Variants in BTBD9 observed in about 807,000 individuals in gnomAD.
The protein encoded by BTBD9 is BTB/POZ domain-containing protein 9.
A neutral mutation model predicts 64.3 loss-of-function variants in BTBD9; 49 were observed. The observed-to-expected ratio is 0.76, with a 90% CI of 0.61 to 0.97. The LOEUF is 0.97. Ranked by LOEUF, BTBD9 falls within the 50% of genes least tolerant of loss-of-function variation. BTBD9 has a pLI of 0.00. For missense variants in BTBD9, 598 were observed against 762.1 expected (o/e 0.78, Z 2.53); for synonymous variants, 260 against 274.7 (o/e 0.95, Z 0.53).
intron 4 of BTBD9, among the ~76,000 whole-genome samples, chr6:38,581,462 A>G (rs1267943050): frequency 6.6e-6 from 1 of 152,242 alleles, no homozygotes; most frequent in East Asian, 1.9e-4. Flanking sequence ...GTCTGTCATC[A>G]AAATCAGTAT....
chr6:38,305,648 AT>A (rs931476243), intron 7 of BTBD9, among the ~76,000 whole-genome samples: 1 of 150,842 alleles, frequency 6.6e-6, no homozygotes, highest in Non-Finnish European at 1.5e-5. Flanking sequence ...CACCGGGCTA[AT>A]TTTTTTTTGT....
intron 6 of BTBD9, among the ~76,000 whole-genome samples, chr6:38,468,976 T>TA (rs2127364333): frequency 6.6e-6 from 1 of 152,218 alleles, no homozygotes; most frequent in South Asian, 2.1e-4. Context: ...AGAGGATTAT[T>TA]AAAACATTTT....
chr6:38,495,631 C>A (rs1161316223), intron 6 of BTBD9, among the ~76,000 whole-genome samples: 1 of 152,172 alleles, frequency 6.6e-6, no homozygotes, highest in Non-Finnish European at 1.5e-5. Flanking sequence ...CTTTTCTATA[C>A]ATAATCGTAT....
At chr6:38,284,176 AT>A (rs201125149) in intron 8 of BTBD9, among the ~76,000 whole-genome samples, 32 of 147,272 alleles carry the variant, frequency 2.2e-4, no homozygotes, top group East Asian at 1.2e-3. Context: ...AATTGCATGG[AT>A]TTTTTTTTTT....
intron 6 of BTBD9, among the ~76,000 whole-genome samples, chr6:38,405,267 C>T (rs1213010653): frequency 2.0e-5 from 3 of 151,938 alleles, no homozygotes; most frequent in Non-Finnish European, 4.4e-5. Context: ...GAACCTGATA[C>T]CCTATAAGAC....
intron 8 of BTBD9, among the ~76,000 whole-genome samples, chr6:38,271,039 A>G (rs985940715): frequency 2.4e-4 from 36 of 152,352 alleles, no homozygotes; most frequent in African/African-American, 4.3e-4. Context: ...AAAGCGATAT[A>G]TGATAAATCT....
Position 38,184,145 on chromosome 6 carries a change from C to T in BTBD9, c.1641+8374G>A, listed in dbSNP as rs116495241. On this transcript the variant is annotated intron_variant, in intron 10 of 10. Coordinates refer to ENST00000481247, the MANE Select transcript of BTBD9 (RefSeq NM_001099272.2). The surrounding 1 kb of genome is among the most constrained non-coding windows in gnomAD (Gnocchi z 4.4). Reference sequence around the variant, plus strand: ...GAGATGCTGTGTTTGCTTACCCATCCTCTGTGGATGGACGCTCGTGGTATC... The same window carrying T: ...GAGATGCTGTGTTTGCTTACCCATCTTCTGTGGATGGACGCTCGTGGTATC... Among the ~76,000 whole-genome samples, 2 of 152,330 alleles carry T rather than the reference C, an allele frequency of 1.3e-5. No homozygotes were observed. The highest frequency in any genetic ancestry group is 4.8e-5 in the African/African-American group (2 of 41,566).
At chr6:38,479,816 C>A (rs1344470113) in intron 6 of BTBD9, among the ~76,000 whole-genome samples, 2 of 152,168 alleles carry the variant, frequency 1.3e-5, no homozygotes, top group Non-Finnish European at 1.5e-5. Flanking sequence ...GCAACCTCCA[C>A]CTCTCGGGCT....
intron 6 of BTBD9, among the ~76,000 whole-genome samples, chr6:38,563,776 C>CTTTT (rs57927975): frequency 4.3e-4 from 49 of 113,568 alleles, no homozygotes; most frequent in African/African-American, 5.1e-4. Context: ...GCCTATCTAA[C>CTTTT]TTTTTTTTTT....
chr6:38,221,859 T>C (rs1324687005), intron 9 of BTBD9, among the ~76,000 whole-genome samples: 3 of 152,000 alleles, frequency 2.0e-5, no homozygotes, highest in Non-Finnish European at 4.4e-5. Flanking sequence ...GGCCTGGTGG[T>C]GCATGCCTGT....
At position 38,400,926 on chromosome 6, in the gene BTBD9, C is replaced by A. The variant is rs187182602; in HGVS notation, c.1155-55833G>T. ...CCTTCTGCTACAGTGCTCCTTCCCC[C>A]ACTTTAAACCAGGCTAATTACTTCA... On this transcript the variant is annotated intron_variant, in intron 6 of 10. Coordinates refer to ENST00000481247, the MANE Select transcript of BTBD9 (RefSeq NM_001099272.2). 2.0e-5 allele frequency among the ~76,000 whole-genome samples: 3 copies of A among 152,328 alleles called. No individual in the cohort carries two copies. The East Asian group carries it at 5.8e-4, about 29-fold the overall frequency.
In BTBD9 at chr6:38,327,279, G is replaced by A. The variant is rs9380735; in HGVS notation, c.1264+17705C>T. ...TAAAGAGATTGCTGTGGCCCAGACT[G>A]GCTCACCCACCAGGCTTCCACTCCT... On this transcript the variant is annotated intron_variant, in intron 7 of 10. Transcript: ENST00000481247. Among the ~76,000 whole-genome samples the A allele has an allele frequency of 5.3e-5, 8 of 151,970 alleles. No individual in the cohort carries two copies. The South Asian group carries it at 6.2e-4, about 12-fold the overall frequency.
intron 9 of BTBD9, among the ~76,000 whole-genome samples, chr6:38,252,677 T>C (rs1267281106): frequency 6.6e-6 from 1 of 152,256 alleles, no homozygotes; most frequent in Admixed American, 6.5e-5. Flanking sequence ...AAGATGTTGG[T>C]AATTTAATGC....
intron 6 of BTBD9, among the ~76,000 whole-genome samples, chr6:38,561,061 G>A (rs1258884574): frequency 2.6e-5 from 4 of 151,966 alleles, no homozygotes; most frequent in African/African-American, 7.3e-5. Context: ...ATATGTCTTT[G>A]TGGTAAAACA....
At chr6:38,504,661 C>A (rs945236613) in intron 6 of BTBD9, 9 of 451,298 alleles carry the variant, frequency 2.0e-5, no homozygotes, top group Non-Finnish European at 3.1e-5. Context: ...CCCAGGAAGC[C>A]CATTCCTAGA....
chr6:38,574,503 G>A (rs902080162), intron 6 of BTBD9, among the ~76,000 whole-genome samples: 3 of 152,136 alleles, frequency 2.0e-5, no homozygotes, highest in South Asian at 2.1e-4. Context: ...GAGAGCTACC[G>A]TGACCAACGA....
intron 9 of BTBD9, among the ~76,000 whole-genome samples, chr6:38,216,964 T>C (rs964140879): frequency 2.0e-5 from 3 of 151,854 alleles, no homozygotes; most frequent in Non-Finnish European, 2.9e-5. Context: ...GAAGTTGCAT[T>C]TCTAATATGT....
At chr6:38,323,310 G>A (rs1030652478) in intron 7 of BTBD9, among the ~76,000 whole-genome samples, 4 of 151,944 alleles carry the variant, frequency 2.6e-5, no homozygotes, top group African/African-American at 4.8e-5. Flanking sequence ...CTACCCTTTC[G>A]GGCAATCCCC....
intron 7 of BTBD9, among the ~76,000 whole-genome samples, chr6:38,331,626 A>G (rs976070686): frequency 6.6e-6 from 1 of 152,240 alleles, no homozygotes; most frequent in Non-Finnish European, 1.5e-5. Flanking sequence ...TGGGAGGTCA[A>G]GTTGGGAGGA....
Sources: allele counts gnomAD v4.1 joint callset (sites outside exome capture counted in the v4.1 genomes callset), GRCh38; gene constraint gnomAD v4.1.1; non-coding constraint Gnocchi (gnomAD v3.1); transcripts MANE v1.5; gene names NCBI Gene and HGNC (gene_info 2026-07-23, HGNC 2026-07-21).